The following STAMBPL1 variants were observed in gnomAD, a reference collection of about 807,000 sequenced individuals.
The protein encoded by STAMBPL1 is AMSH-like protease.
A neutral mutation model predicts 52.9 loss-of-function variants in STAMBPL1; 44 were observed. That is an observed-to-expected ratio of 0.83 (90% CI 0.65 to 1.07). The LOEUF is 1.07. STAMBPL1 is among the 50% of genes least tolerant of loss of function. STAMBPL1 has a pLI of 0.00. For synonymous variants in STAMBPL1, 164 were observed against 177.3 expected, an observed-to-expected ratio of 0.92 and a Z score of 0.60; for missense variants, 511 against 520.8, an observed-to-expected ratio of 0.98 and a Z score of 0.18.
intron 3 of STAMBPL1, 111 bp from the exon 4 acceptor site, chr10:88,908,591 A>G (rs539080464): frequency 1.1e-5 from 9 of 853,312 alleles, no homozygotes; most frequent in Middle Eastern, 2.4e-4. Flanking sequence ...AGGTAAATGA[A>G]TAAGTTATTA....
At chr10:88,900,648 T>C (rs1393652411) in intron 1 of STAMBPL1, among the ~76,000 whole-genome samples, 1 of 152,230 alleles carries the variant, frequency 6.6e-6, no homozygotes, top group East Asian at 1.9e-4. Context: ...ATTTTGTAGA[T>C]GCACAGAAAG....
At position 88,903,160 on chromosome 10, in the gene STAMBPL1, A is replaced by G. The variant is rs1421027816; in HGVS notation, c.30+1422A>G. 1.3e-5 allele frequency among the ~76,000 whole-genome samples: 2 copies of G among 152,234 alleles called. 1 individual carries two copies. Among genetic ancestry groups the G allele is most frequent in the Non-Finnish European group, 2.9e-5 (2 of 68,028 alleles). Reference sequence around the variant, plus strand: ...TTTTATCTGGAAAATTTGTGTTTTCATCCAAGAAGTCTGCATGCAAATGAA... The same window carrying G: ...TTTTATCTGGAAAATTTGTGTTTTCGTCCAAGAAGTCTGCATGCAAATGAA... On this transcript the variant is annotated intron_variant, in intron 2 of 10. Coordinates refer to ENST00000371926, the MANE Select transcript of STAMBPL1 (RefSeq NM_020799.4).
chr10:88,908,901 A>G (rs1845146709), intron 4 of STAMBPL1, 124 bp downstream of exon 4: 4 of 735,354 alleles, frequency 5.4e-6, no homozygotes, highest in Non-Finnish European at 8.4e-6. Context: ...AATTCATTCC[A>G]TTAACTATGA....
chr10:88,892,675 G>A (rs953539862), intron 1 of STAMBPL1, among the ~76,000 whole-genome samples: 1 of 152,204 alleles, frequency 6.6e-6, no homozygotes, highest in Non-Finnish European at 1.5e-5. Context: ...AAAACCAAAT[G>A]TATGAATACA....
At chr10:88,918,310 C>T (rs955524965) in intron 8 of STAMBPL1, among the ~76,000 whole-genome samples, 31 of 149,624 alleles carry the variant, frequency 2.1e-4, no homozygotes, top group African/African-American at 7.7e-4. Flanking sequence ...CACACATACA[C>T]ACACACACAC....
chr10:88,903,818 CG>C (rs1845007425), intron 2 of STAMBPL1, among the ~76,000 whole-genome samples: 1 of 152,116 alleles, frequency 6.6e-6, no homozygotes, highest in South Asian at 2.1e-4. Context: ...GGGGAAGCCA[CG>C]TAATAAAATG....
At chr10:88,920,665 C>A (rs1410046663) in intron 8 of STAMBPL1, among the ~76,000 whole-genome samples, 2 of 151,766 alleles carry the variant, frequency 1.3e-5, no homozygotes, top group African/African-American at 4.9e-5. Context: ...AATTTATAAT[C>A]CCCCTTTTTT....
At chr10:88,916,311 G>A (rs1172142449) in intron 7 of STAMBPL1, among the ~76,000 whole-genome samples, 1 of 151,558 alleles carries the variant, frequency 6.6e-6, no homozygotes, top group East Asian at 2.0e-4. Context: ...AAATAAATCT[G>A]TCTTTGTTTT....
intron 1 of STAMBPL1, chr10:88,901,440 C>T: frequency 5.9e-6 from 2 of 337,660 alleles, no homozygotes; most frequent in Non-Finnish European, 1.1e-5. Flanking sequence ...ATTATTTTCA[C>T]ACCTTCACTT....
chr10:88,895,870 G>A (rs987405079), intron 1 of STAMBPL1, among the ~76,000 whole-genome samples: 11 of 152,198 alleles, frequency 7.2e-5, no homozygotes, highest in Non-Finnish European at 1.2e-4. Flanking sequence ...GGCCCAGTAT[G>A]TGACTTTCTT....
At chr10:88,886,970 C>G (rs1844550390) in intron 1 of STAMBPL1, among the ~76,000 whole-genome samples, 1 of 152,168 alleles carries the variant, frequency 6.6e-6, no homozygotes, top group African/African-American at 2.4e-5. Context: ...ACTAGAAATA[C>G]AGAGAGGCTG....
At chr10:88,895,184 T>C (rs1844782640) in intron 1 of STAMBPL1, among the ~76,000 whole-genome samples, 2 of 152,240 alleles carry the variant, frequency 1.3e-5, no homozygotes, top group African/African-American at 2.4e-5. Context: ...TTAAAACTTA[T>C]GTGAAGTCAC....
intron 1 of STAMBPL1, among the ~76,000 whole-genome samples, chr10:88,892,902 AGGCAACT>A (rs1844723176): frequency 6.6e-6 from 1 of 152,250 alleles, no homozygotes; most frequent in Admixed American, 6.5e-5. Flanking sequence ...CTGAGCTTTC[AGGCAACT>A]GGCAGGCAGG....
intron 5 of STAMBPL1, among the ~76,000 whole-genome samples, chr10:88,911,990 C>A (rs1200667059): frequency 1.3e-5 from 2 of 152,176 alleles, no homozygotes. Context: ...CTGGGAGGAA[C>A]AGGCTCTGCA....
chr10:88,897,409 A>T (rs1049343515), intron 1 of STAMBPL1, among the ~76,000 whole-genome samples: 1 of 152,172 alleles, frequency 6.6e-6, no homozygotes, highest in Non-Finnish European at 1.5e-5. Flanking sequence ...AAAAAAAATG[A>T]TGATGTCTTT....
At position 88,921,316 on chromosome 10, in the gene STAMBPL1, G is replaced by A. The variant is rs375685316; in HGVS notation, c.1075G>A (p.Val359Ile). ...CACTCAAACTGCATTTTTATCCAGCGTTGATCTTCACACTCACTGTTCCTA... is the reference window on the plus strand; with the variant it reads ...CACTCAAACTGCATTTTTATCCAGCATTGATCTTCACACTCACTGTTCCTA... ...HPTQTAFLSS[V>I]DLHTHCSYQL... The change falls in exon 9 of 11, where the codon GTT (valine) becomes ATT (isoleucine). Residue 359 changes from valine (V) to isoleucine (I), a missense_variant. By Grantham distance (29) the Val-to-Ile change is conservative (BLOSUM62 3). This residue lies in a region of STAMBPL1 where 137 missense variants were observed against 139.9 expected (regional missense o/e 0.98). Transcript: ENST00000371926. The A allele has an allele frequency of 4.5e-5, 73 of 1,613,066 alleles. No homozygotes were observed. The highest frequency in any genetic ancestry group is 1.3e-4 in the South Asian group (12 of 91,060).
intron 5 of STAMBPL1, among the ~76,000 whole-genome samples, chr10:88,911,818 A>G (rs1163169082): frequency 2.0e-5 from 3 of 152,160 alleles, no homozygotes; most frequent in Non-Finnish European, 4.4e-5. Flanking sequence ...GAAATTGGAA[A>G]TGTCCCTCAA....
rs1466738750 is a variant in STAMBPL1 at position 88,905,454 on chromosome 10, T to G, written c.42T>G (p.Ala14=). Residue 14 remains alanine (A), a synonymous_variant, in exon 3 of 11, where the codon GCT becomes GCG. Coordinates refer to ENST00000371926, the MANE Select transcript of STAMBPL1 (RefSeq NM_020799.4). The part of the protein sequence containing the change: ...PFTVNSLKKL[A]AMPDHTDVSL... Reference sequence around the variant, plus strand: ...ATTTTGCTTTGCAGAAAAAGTTAGCTGCTATGCCTGACCATACAGATGTTT... The same window carrying G: ...ATTTTGCTTTGCAGAAAAAGTTAGCGGCTATGCCTGACCATACAGATGTTT... 5 of 1,613,908 alleles carry G rather than the reference T, an allele frequency of 3.1e-6. No individual in the cohort carries two copies. The highest frequency in any genetic ancestry group is 4.2e-6 in the Non-Finnish European group (5 of 1,179,950).
At chr10:88,918,810 G>A (rs936865515) in intron 8 of STAMBPL1, among the ~76,000 whole-genome samples, 1 of 152,120 alleles carries the variant, frequency 6.6e-6, no homozygotes, top group Non-Finnish European at 1.5e-5. Flanking sequence ...GTCAATGTTA[G>A]TTTATCTAAC....
Sources: gnomAD v4.1 joint callset for allele counts (sites outside exome capture counted in the v4.1 genomes callset) on GRCh38, gnomAD v4.1.1 for gene constraint, gnomAD v4.1.1 regional missense constraint, MANE v1.5 for transcripts, NCBI Gene and HGNC (gene_info 2026-07-23, HGNC 2026-07-21) for gene names.